AIFM1: variants seen among roughly 807,000 people sequenced by gnomAD.
The protein encoded by AIFM1 is apoptosis-inducing factor 1, mitochondrial.
Under a neutral mutation model 51.7 loss-of-function variants are expected in AIFM1, and 3 were observed. The ratio of observed to expected loss-of-function variants is 0.06; its 90% CI spans 0.03 to 0.15. The LOEUF (loss-of-function observed/expected upper bound fraction) is 0.15, where lower values mean the gene tolerates loss of function less well. Ranked by LOEUF, AIFM1 falls within the 10% of genes least tolerant of loss-of-function variation. The pLI is 1.00. For synonymous variants in AIFM1, 178 were observed against 179.4 expected (o/e 0.99, Z 0.06); for missense variants, 330 against 476.8 (o/e 0.69, Z 2.87).
intron 1 of AIFM1, among the ~76,000 whole-genome samples, chrX:130,160,920 T>C (rs1365754667): frequency 9.4e-6 from 1 of 106,058 alleles, no homozygotes; most frequent in Non-Finnish European, 1.9e-5. Context: ...ATAAATAAAA[T>C]GAAAAAATAA....
chrX:130,134,213 G>C (rs1452767462), intron 12 of AIFM1, among the ~76,000 whole-genome samples: 2 of 108,684 alleles, frequency 1.8e-5, no homozygotes, highest in Non-Finnish European at 3.8e-5. Context: ...CTCCAGACTG[G>C]GAAACAGAGC....
intron 2 of AIFM1, among the ~76,000 whole-genome samples, chrX:130,153,313 A>G (rs1272797031): frequency 1.0e-5 from 1 of 96,799 alleles, no homozygotes; most frequent in Admixed American, 1.2e-4. Flanking sequence ...AGATCGCGCC[A>G]CTGCACTCCA....
At chrX:130,164,368 T>C (rs761937938) in intron 1 of AIFM1, among the ~76,000 whole-genome samples, 4 of 112,454 alleles carry the variant, frequency 3.6e-5, no homozygotes, top group Non-Finnish European at 7.5e-5. Flanking sequence ...ACATTTTCAT[T>C]GTGCATAGCA....
intron 12 of AIFM1, among the ~76,000 whole-genome samples, chrX:130,135,188 T>C (rs780403599): frequency 4.6e-5 from 5 of 109,116 alleles, no homozygotes; most frequent in Non-Finnish European, 9.5e-5. Flanking sequence ...GTTCAAGTGA[T>C]TCTCCTGCCT....
At chrX:130,144,147 T>C in intron 6 of AIFM1, among the ~76,000 whole-genome samples, 1 of 111,847 alleles carries the variant, frequency 8.9e-6, no homozygotes, top group Admixed American at 9.5e-5. Context: ...ATAGGTACTA[T>C]ACAAATTTTA....
chrX:130,132,154 G>A (rs1309629535), intron 13 of AIFM1, among the ~76,000 whole-genome samples: 2 of 111,792 alleles, frequency 1.8e-5, no homozygotes, highest in African/African-American at 6.5e-5. Flanking sequence ...TTACAGATGT[G>A]AGCCACCGCA....
chrX:130,142,199 A>G (rs941852045), intron 6 of AIFM1, among the ~76,000 whole-genome samples: 1 of 112,161 alleles, frequency 8.9e-6, no homozygotes. Context: ...TGGTAAGAAC[A>G]GTGCAGGTAG....
chrX:130,160,408 T>C (rs1249185465), intron 1 of AIFM1, among the ~76,000 whole-genome samples: 1 of 112,046 alleles, frequency 8.9e-6, no homozygotes, highest in East Asian at 2.8e-4. Flanking sequence ...AGACCACACA[T>C]ACAATGCAAT....
At chrX:130,163,049 GGTTTAAA>G (rs1404734091) in intron 1 of AIFM1, among the ~76,000 whole-genome samples, 2 of 111,548 alleles carry the variant, frequency 1.8e-5, no homozygotes, top group Non-Finnish European at 3.8e-5. Context: ...TTGCAAGGCA[GGTTTAAA>G]GTTTAAAGGT....
intron 12 of AIFM1, among the ~76,000 whole-genome samples, chrX:130,134,187 A>C (rs1028641471): frequency 9.1e-6 from 1 of 109,409 alleles, no homozygotes; most frequent in African/African-American, 3.3e-5. Context: ...CAGTGAGCTG[A>C]GATCGTGCCA....
intron 2 of AIFM1, 84 bp downstream of exon 2, chrX:130,156,377 C>T (rs189675806): frequency 1.7e-6 from 2 of 1,169,027 alleles, no homozygotes; most frequent in East Asian, 3.0e-5. Flanking sequence ...GAATTAGTTG[C>T]AAAAGTTTTA....
intron 2 of AIFM1, among the ~76,000 whole-genome samples, chrX:130,155,856 TC>T (rs1483396815): frequency 8.9e-6 from 1 of 111,871 alleles, no homozygotes. Context: ...TGATCGGAGT[TC>T]ATTTAAGGAG....
chrX:130,154,659 A>G (rs1006691272), intron 2 of AIFM1, among the ~76,000 whole-genome samples: 2 of 112,253 alleles, frequency 1.8e-5, no homozygotes, highest in Admixed American at 9.5e-5. Flanking sequence ...TGCAGTTTCT[A>G]TGGCTTTTTG....
intron 6 of AIFM1, among the ~76,000 whole-genome samples, chrX:130,141,648 A>G (rs2030583006): frequency 9.0e-6 from 1 of 111,143 alleles, no homozygotes; most frequent in Non-Finnish European, 1.9e-5. Context: ...TTGTACTTTC[A>G]TTCTCTTCTG....
At chrX:130,129,714 C>A (rs1453987832) in intron 15 of AIFM1, 86 bp from the exon 16 acceptor site, 6 of 905,819 alleles carry the variant, frequency 6.6e-6, no homozygotes, top group Non-Finnish European at 9.7e-6. Context: ...CTGGGGCAGT[C>A]CCCATATCAC....
At position 130,156,444 on chromosome X, in the gene AIFM1, G is replaced by A. The variant is rs776323185; in HGVS notation, c.249+17C>T. On this transcript the variant is annotated intron_variant, in intron 2 of 15. Coordinates refer to ENST00000287295, the MANE Select transcript of AIFM1 (RefSeq NM_004208.4). ...GCTGTTTGGCAGCTTCTTTATACAC[G>A]CTGCTTTTCTACTTACATAGGCACC... is the stretch of plus-strand genomic sequence containing the variant. 81 of 1,208,696 alleles carry A rather than the reference G, an allele frequency of 6.7e-5. No homozygotes were observed. The highest frequency in any genetic ancestry group is 8.8e-5 in the Non-Finnish European group (79 of 894,559).
At chrX:130,152,750 A>G (rs188859623) in intron 2 of AIFM1, among the ~76,000 whole-genome samples, 21 of 111,970 alleles carry the variant, frequency 1.9e-4, no homozygotes, top group Non-Finnish European at 2.6e-4. Context: ...TCTCACATCA[A>G]TGCGAATCAG....
At chrX:130,135,220 G>A (rs1394241484) in intron 12 of AIFM1, among the ~76,000 whole-genome samples, 16 of 108,899 alleles carry the variant, frequency 1.5e-4, no homozygotes, top group African/African-American at 5.0e-4. Context: ...CCAAGTAGCT[G>A]GGATTACAGG....
chrX:130,132,796 G>T (rs1208037879), intron 13 of AIFM1, among the ~76,000 whole-genome samples: 1 of 104,658 alleles, frequency 9.6e-6, no homozygotes, highest in African/African-American at 3.5e-5. Context: ...ACCCAGGCCG[G>T]AGTGCAGTGG....
Sources: gnomAD v4.1 joint callset for allele counts (sites outside exome capture counted in the v4.1 genomes callset) on GRCh38, gnomAD v4.1.1 for gene constraint, MANE v1.5 for transcripts, NCBI Gene and HGNC (gene_info 2026-07-23, HGNC 2026-07-21) for gene names.